The following ACAP2 variants were observed in gnomAD, a reference collection of about 807,000 sequenced individuals.
The protein encoded by ACAP2 is arf-GAP with coiled-coil, ANK repeat and PH domain-containing protein 2.
Under a neutral mutation model 115.8 loss-of-function variants are expected in ACAP2, and 39 were observed. The observed-to-expected ratio is 0.34, with a 90% CI of 0.26 to 0.44. The LOEUF is 0.44. Among genes scored for constraint, ACAP2 ranks in the 20% least tolerant of loss-of-function variants. The probability of loss-of-function intolerance (pLI) is 1.00; values close to 1 mark genes in which losing one functional copy is unlikely to be tolerated. For missense variants in ACAP2, 662 were observed against 927.6 expected (o/e 0.71, Z 3.72); for synonymous variants, 289 against 315.8 (o/e 0.92, Z 0.90).
chr3:195,343,442 A>C (rs1436599208), intron 5 of ACAP2, among the ~76,000 whole-genome samples: 1 of 152,138 alleles, frequency 6.6e-6, no homozygotes, highest in East Asian at 1.9e-4. Flanking sequence ...TGGGTGGTCT[A>C]CAGATCACAC....
intron 4 of ACAP2, among the ~76,000 whole-genome samples, chr3:195,348,996 A>G (rs1433881212): frequency 2.0e-5 from 3 of 152,212 alleles, no homozygotes; most frequent in Non-Finnish European, 4.4e-5. Context: ...TACAGATTAG[A>G]AAGGAAGAAT....
intron 8 of ACAP2, among the ~76,000 whole-genome samples, chr3:195,329,379 C>A (rs1730025694): frequency 6.6e-6 from 1 of 152,038 alleles, no homozygotes; most frequent in Non-Finnish European, 1.5e-5. Flanking sequence ...AGCAGGTATC[C>A]CTGGTCCTTC....
intron 4 of ACAP2, chr3:195,349,768 A>C (rs138841232): frequency 2.4e-4 from 72 of 294,426 alleles, no homozygotes; most frequent in African/African-American, 1.5e-3. Flanking sequence ...AGTGGGCTTC[A>C]AGAAGCATGG....
In ACAP2 at chr3:195,276,779, C is replaced by T. The variant is rs1170825777; in HGVS notation, c.*2549G>A. On this transcript the variant is annotated 3_prime_UTR_variant, in exon 23 of 23. Coordinates refer to ENST00000326793, the MANE Select transcript of ACAP2 (RefSeq NM_012287.6). ...TAAATTCACCTAAGAGCCAACCTAC[C>T]TTGTAACTATTAATTTAATTTAAAG... The T allele has an allele frequency of 6.6e-6, 1 of 152,172 alleles. No individual in the cohort carries two copies. The highest frequency in any genetic ancestry group is 2.4e-5 in the African/African-American group (1 of 41,434). The allele number at this position is 152,172 out of a possible 1,614,324, so 9.4% of individuals were successfully genotyped here.
At chr3:195,334,314 C>T (rs1730366275) in intron 7 of ACAP2, among the ~76,000 whole-genome samples, 1 of 149,246 alleles carries the variant, frequency 6.7e-6, no homozygotes, top group African/African-American at 2.5e-5. Context: ...GATCATTGAA[C>T]AAATTTGTGA....
At chr3:195,351,944 T>A (rs1282904019) in intron 4 of ACAP2, among the ~76,000 whole-genome samples, 4 of 152,222 alleles carry the variant, frequency 2.6e-5, no homozygotes, top group Non-Finnish European at 5.9e-5. Context: ...TGCACTCTTG[T>A]ACACTGCTGA....
chr3:195,285,249 G>C (rs1468129654), intron 22 of ACAP2: 1 of 152,114 alleles, frequency 6.6e-6, no homozygotes, highest in Non-Finnish European at 1.5e-5. Flanking sequence ...CTCATTTTTA[G>C]ATTGTAGTAC....
At chr3:195,372,897 T>A (rs1431273327) in intron 4 of ACAP2, among the ~76,000 whole-genome samples, 3 of 138,478 alleles carry the variant, frequency 2.2e-5, no homozygotes, top group Admixed American at 1.6e-4. Flanking sequence ...TGCCTAATAA[T>A]AAACAGCATG....
chr3:195,396,816 A>T (rs1711830518), intron 1 of ACAP2, among the ~76,000 whole-genome samples: 1 of 131,678 alleles, frequency 7.6e-6, no homozygotes, highest in African/African-American at 3.2e-5. Context: ...AAAAAAAAAG[A>T]AGAAGTATGC....
intron 6 of ACAP2, among the ~76,000 whole-genome samples, chr3:195,341,470 G>A (rs945231208): frequency 5.3e-5 from 8 of 151,816 alleles, no homozygotes; most frequent in East Asian, 1.9e-4. Context: ...GACTGCAGGC[G>A]CCCGCCACCA....
chr3:195,411,241 A>C lies in ACAP2; in HGVS notation c.54-19094T>G, dbSNP rs75717679. Among the ~76,000 whole-genome samples the C allele has an allele frequency of 1.7e-3, 259 of 152,314 alleles. 5 individuals carry two copies. In the East Asian group the frequency reaches 0.041, roughly 24 times the overall value. On this transcript the variant is annotated intron_variant, in intron 1 of 22. Coordinates refer to ENST00000326793, the MANE Select transcript of ACAP2 (RefSeq NM_012287.6). ...CTATGGCAACACTTCAAAAAATTAA[A>C]ACAGAATTACCATGTGATCTAGCTA...
chr3:195,411,952 GATAATGGTAAAGGATTATATC>G (rs1459640993), intron 1 of ACAP2, among the ~76,000 whole-genome samples: 4 of 150,788 alleles, frequency 2.7e-5, no homozygotes, highest in Admixed American at 6.6e-5. Flanking sequence ...GCTGGATCTT[GATAATGGTAAAGGATTATATC>G]ATCACTTACC....
rs185926299 is a variant in ACAP2, at chr3:195,318,676, G to A, written c.857+2025C>T. ...ATTCAAGAGGTGACTTGGATTTCCCGAAAGTGTACCATTATATGCGTTCAC... is the reference window on the plus strand; with the variant it reads ...ATTCAAGAGGTGACTTGGATTTCCCAAAAGTGTACCATTATATGCGTTCAC... On this transcript the variant is annotated intron_variant, in intron 10 of 22. Transcript: ENST00000326793. 3.9e-5 allele frequency among the ~76,000 whole-genome samples: 6 copies of A among 152,266 alleles called. No homozygotes were observed. The East Asian group carries it at 1.2e-3, about 29-fold the overall frequency.
chr3:195,355,754 A>G lies in ACAP2; in HGVS notation c.286-10437T>C, dbSNP rs142128794. 1.4e-3 allele frequency among the ~76,000 whole-genome samples: 209 copies of G among 152,362 alleles called. 1 individual carries two copies. Among genetic ancestry groups the G allele is most frequent in the African/African-American group, 4.7e-3 (194 of 41,584 alleles). On this transcript the variant is annotated intron_variant, in intron 4 of 22. Transcript: ENST00000326793. Reference sequence around the variant, plus strand: ...AAAGATCTAGTCCAGAAAGGTTAGTAAAAGAGTAGGCTGCATAACCATAGA... The same window carrying G: ...AAAGATCTAGTCCAGAAAGGTTAGTGAAAGAGTAGGCTGCATAACCATAGA...
intron 2 of ACAP2, among the ~76,000 whole-genome samples, chr3:195,389,928 G>T (rs1734549363): frequency 6.6e-6 from 1 of 152,234 alleles, no homozygotes; most frequent in African/African-American, 2.4e-5. Flanking sequence ...GGGTGCAGTG[G>T]CTCATGCCTG....
intron 1 of ACAP2, among the ~76,000 whole-genome samples, chr3:195,407,476 G>A (rs1384468247): frequency 6.6e-6 from 1 of 152,180 alleles, no homozygotes; most frequent in Admixed American, 6.5e-5. Context: ...AGGAGCCAAG[G>A]CAAGCAGATC....
At position 195,302,340 on chromosome 3, in the gene ACAP2, G is replaced by T. The variant is rs1250645428; in HGVS notation, c.1117-166C>A. On this transcript the variant is annotated intron_variant, in intron 13 of 22. Coordinates refer to ENST00000326793, the MANE Select transcript of ACAP2 (RefSeq NM_012287.6). ...GAAATTCAAGGATAAAAAGATGTAGGTTCTTCCATCAGTGAGCTTTTATTC... is the reference window on the plus strand; with the variant it reads ...GAAATTCAAGGATAAAAAGATGTAGTTTCTTCCATCAGTGAGCTTTTATTC... Among the ~76,000 whole-genome samples the T allele has an allele frequency of 3.9e-5, 6 of 152,266 alleles. No individual in the cohort carries two copies. The East Asian group carries it at 7.7e-4, about 20-fold the overall frequency.
At chr3:195,313,652 C>T (rs1728901888) in intron 10 of ACAP2, among the ~76,000 whole-genome samples, 1 of 152,150 alleles carries the variant, frequency 6.6e-6, no homozygotes, top group Admixed American at 6.5e-5. Flanking sequence ...GCATACAGAA[C>T]ATTTTGCTTT....
At position 195,277,220 on chromosome 3, in the gene ACAP2, A is replaced by G. The variant is rs1227773834; in HGVS notation, c.*2108T>C. The G allele has an allele frequency of 6.6e-6, 1 of 152,244 alleles. No individual in the cohort carries two copies. Among genetic ancestry groups the G allele is most frequent in the Non-Finnish European group, 1.5e-5 (1 of 68,042 alleles). The allele number at this position is 152,244 out of a possible 1,614,324, so 9.4% of individuals were successfully genotyped here. A position where few individuals can be genotyped will look rare whatever the true frequency, so the allele number is the denominator to read the frequency against. ...AAACAGGAAGGGACACTATAAAGGA[A>G]AAGTGAGGTTTTTTCTTTTTCTTTA... On this transcript the variant is annotated 3_prime_UTR_variant, in exon 23 of 23. Coordinates refer to ENST00000326793, the MANE Select transcript of ACAP2 (RefSeq NM_012287.6).
Sources: allele counts gnomAD v4.1 joint callset (sites outside exome capture counted in the v4.1 genomes callset), GRCh38; gene constraint gnomAD v4.1.1; transcripts MANE v1.5; gene names NCBI Gene and HGNC (gene_info 2026-07-23, HGNC 2026-07-21).